The following VWA5B2 variants were observed in gnomAD, a reference collection of about 807,000 sequenced individuals.
VWA5B2 encodes von Willebrand factor A domain-containing protein 5B2.
Under a neutral mutation model 118.5 loss-of-function variants are expected in VWA5B2, and 93 were observed. The ratio of observed to expected loss-of-function variants is 0.79; its 90% CI spans 0.66 to 0.93. VWA5B2 has a LOEUF of 0.93. Ranked by LOEUF, VWA5B2 falls within the 40% of genes least tolerant of loss-of-function variation. The pLI is 0.00. For missense variants in VWA5B2, 1,546 were observed against 1,672.8 expected, an observed-to-expected ratio of 0.92 and a Z score of 1.32; for synonymous variants, 708 against 716.3, an observed-to-expected ratio of 0.99 and a Z score of 0.19.
Position 184,242,265 on chromosome 3 carries a change from G to A in VWA5B2, c.*227G>A, listed in dbSNP as rs75636665. On this transcript the variant is annotated 3_prime_UTR_variant, in exon 20 of 20. Coordinates refer to ENST00000691901, the MANE Select transcript of VWA5B2 (RefSeq NM_001390846.1). ...CTCCCCTCCATCCTCTGAGCTCCCTGCAACACAGTGGAAGGGTAGAGAGCC... is the reference window on the plus strand; with the variant it reads ...CTCCCCTCCATCCTCTGAGCTCCCTACAACACAGTGGAAGGGTAGAGAGCC... 1.1e-3 allele frequency: 802 copies of A among 738,894 alleles called. 12 individuals carry two copies. In the East Asian group the frequency reaches 0.017, roughly 16 times the overall value. The allele number at this position is 738,894 out of a possible 1,614,324, so 45.8% of individuals were successfully genotyped here.
Position 184,238,802 on chromosome 3 carries a change from A to G in VWA5B2, c.2131A>G (p.Ser711Gly). The change falls in exon 14 of 20, where the codon AGT (serine) becomes GGT (glycine). Residue 711 changes from serine to glycine, a missense_variant. Around this residue, in one of 3 missense-constraint regions of VWA5B2, gnomAD observed 763 missense variants for 766.6 expected, o/e 1.00. Coordinates refer to ENST00000691901, the MANE Select transcript of VWA5B2 (RefSeq NM_001390846.1). The surrounding 1 kb of genome is among the most constrained non-coding windows in gnomAD (Gnocchi z 5.0). ...LEPPSQQGCR[S>G]LAWGEPAGSR... ...GCCCCCTTCTCAGCAGGGCTGCCGC[A>G]GTCTGGCCTGGGGAGAACCTGCAGG... The G allele has an allele frequency of 6.5e-7, 1 of 1,545,872 alleles. No individual in the cohort carries two copies.
At position 184,233,101 on chromosome 3, in the gene VWA5B2, A is replaced by G; in HGVS notation, c.311-77A>G. ...CCCCTTGCCCAGGCTCCCTGACCCA[A>G]TGCCTGCTTCCACATCTAGCTTCCT... On this transcript the variant is annotated intron_variant, in intron 3 of 19. Transcript: ENST00000691901. This position sits in a 1 kb window ranked among gnomAD's most constrained non-coding sequence, Gnocchi z 5.2. 1 of 1,385,912 alleles carries G rather than the reference A, an allele frequency of 7.2e-7. No homozygotes were observed. The highest frequency in any genetic ancestry group is 9.8e-7 in the Non-Finnish European group (1 of 1,016,700). 85.9% of individuals were successfully genotyped at this position (1,385,912 alleles called of 1,614,324 possible).
At chr3:184,234,929 C>A in intron 7 of VWA5B2, 174 bp downstream of exon 7, 1 of 1,146,948 alleles carries the variant, frequency 8.7e-7, no homozygotes, top group Non-Finnish European at 1.2e-6. Flanking sequence ...ATTGGAGGGC[C>A]GATGTGAATC....
At chr3:184,235,381 C>T (rs1373769491) in intron 8 of VWA5B2, 73 bp downstream of exon 8, 7 of 1,477,368 alleles carry the variant, frequency 4.7e-6, no homozygotes, top group African/African-American at 2.8e-5. Flanking sequence ...CTGGGGGCAG[C>T]CTCTTGAAGC....
At chr3:184,240,698 G>T in intron 16 of VWA5B2, 93 bp from the exon 17 acceptor site, 1 of 1,481,366 alleles carries the variant, frequency 6.8e-7, no homozygotes. Flanking sequence ...GTCGATAGAG[G>T]GAGAAGCTGG....
chr3:184,233,477 C>G lies in VWA5B2; in HGVS notation c.530+80C>G. 5 of 1,505,590 alleles carry G rather than the reference C, an allele frequency of 3.3e-6. No homozygotes were observed. Among genetic ancestry groups the G allele is most frequent in the African/African-American group, 1.4e-5 (1 of 72,118 alleles). The allele number at this position is 1,505,590 out of a possible 1,614,324, so 93.3% of individuals were successfully genotyped here. A position where few individuals can be genotyped will look rare whatever the true frequency, so the allele number is the denominator to read the frequency against. On this transcript the variant is annotated intron_variant, in intron 4 of 19. Coordinates refer to ENST00000691901, the MANE Select transcript of VWA5B2 (RefSeq NM_001390846.1). The surrounding 1 kb of genome is among the most constrained non-coding windows in gnomAD (Gnocchi z 5.2). ...CGGGTGAGGGGGCACTGGCAGGGTA[C>G]CCAGGGATGGGAAGGGTGAGGAAGG...
intron 16 of VWA5B2, 85 bp downstream of exon 16, chr3:184,240,121 T>A: frequency 9.3e-7 from 1 of 1,076,234 alleles, no homozygotes; most frequent in Non-Finnish European, 1.3e-6. Context: ...GATCACTCTC[T>A]ATACCTCGCT....
In VWA5B2 at chr3:184,241,373, G is replaced by A. The variant is rs1200849883; in HGVS notation, c.3149G>A (p.Ser1050Asn). ...CCTGACCCGGGCCAGGCCAACAACA[G>A]TGAAGGCAGCGACCATGACTACCTG... is the stretch of plus-strand genomic sequence containing the variant. ...CSPDPGQANNSEGSDHDYLPL... is the reference protein window; with the variant it reads ...CSPDPGQANNNEGSDHDYLPL... The change falls in exon 19 of 20, where the codon AGT becomes AAT. Residue 1050 changes from serine (S) to asparagine (N), a missense_variant. Coordinates refer to ENST00000691901, the MANE Select transcript of VWA5B2 (RefSeq NM_001390846.1). The surrounding 1 kb of genome is among the most constrained non-coding windows in gnomAD (Gnocchi z 5.1). 1 of 1,567,994 alleles carries A rather than the reference G, an allele frequency of 6.4e-7. No individual in the cohort carries two copies. The highest frequency in any genetic ancestry group is 8.6e-7 in the Non-Finnish European group (1 of 1,156,226).
intron 3 of VWA5B2, 77 bp downstream of exon 3, chr3:184,230,994 C>G: frequency 1.7e-6 from 2 of 1,199,788 alleles, no homozygotes; most frequent in Non-Finnish European, 2.1e-6. Context: ...CGGCCTCCGC[C>G]CGTCCCCCGC....
rs1319996544 is a variant in VWA5B2 at position 184,232,896 on chromosome 3, G to A, written c.311-282G>A. ...GGGGCAGAGGGTGTGGGTATTCCCAGGGCCTTGAGAGTGGACATGGCCCCT... is the reference window on the plus strand; with the variant it reads ...GGGGCAGAGGGTGTGGGTATTCCCAAGGCCTTGAGAGTGGACATGGCCCCT... On this transcript the variant is annotated intron_variant, in intron 3 of 19. Coordinates refer to ENST00000691901, the MANE Select transcript of VWA5B2 (RefSeq NM_001390846.1). 1.4e-5 allele frequency: 7 copies of A among 513,558 alleles called. No individual in the cohort carries two copies. In the Admixed American group the frequency reaches 1.5e-4, roughly 11 times the overall value. The allele number at this position is 513,558 out of a possible 1,614,324, so 31.8% of individuals were successfully genotyped here. A position where few individuals can be genotyped will look rare whatever the true frequency, so the allele number is the denominator to read the frequency against.
chr3:184,236,104 C>A (rs1255044848), intron 8 of VWA5B2, 48 bp from the exon 9 acceptor site: 3 of 1,488,282 alleles, frequency 2.0e-6, no homozygotes, highest in Non-Finnish European at 2.7e-6. Flanking sequence ...TGCTCTGTAT[C>A]AGGGCCCATG....
chr3:184,238,628 C>T lies in VWA5B2; in HGVS notation c.1957C>T (p.Arg653Cys), dbSNP rs371465503. ...GPNPSDTAIW[R>C]RIFQSSYIRE... Reference sequence around the variant, plus strand: ...CAACCCCTCTGACACAGCCATATGGCGCCGCATCTTTCAGTCCTCGTACAT... The same window carrying T: ...CAACCCCTCTGACACAGCCATATGGTGCCGCATCTTTCAGTCCTCGTACAT... The change falls in exon 14 of 20, where the codon CGC becomes TGC. Residue 653 changes from arginine (R) to cysteine (C), a missense_variant. Around this residue, in one of 3 missense-constraint regions of VWA5B2, gnomAD observed 775 missense variants for 882.3 expected, o/e 0.88. Transcript: ENST00000691901. This position sits in a 1 kb window ranked among gnomAD's most constrained non-coding sequence, Gnocchi z 5.0. 2.4e-5 allele frequency: 38 copies of T among 1,552,016 alleles called. No individual in the cohort carries two copies. The highest frequency in any genetic ancestry group is 8.2e-5 in the African/African-American group (6 of 73,174).
rs1344819417 is a variant in VWA5B2, at chr3:184,241,863, A to G, written c.3554A>G (p.Asp1185Gly). The G allele has an allele frequency of 1.3e-6, 2 of 1,544,554 alleles. No homozygotes were observed. The highest frequency in any genetic ancestry group is 1.7e-6 in the Non-Finnish European group (2 of 1,145,708). Residue 1185 changes from aspartate (D) to glycine (G), a missense_variant, in exon 20 of 20, where the codon GAC becomes GGC. Around this residue, in one of 3 missense-constraint regions of VWA5B2, gnomAD observed 763 missense variants for 766.6 expected, o/e 1.00. Transcript: ENST00000691901. The surrounding 1 kb of genome is among the most constrained non-coding windows in gnomAD (Gnocchi z 5.1). ...GAGCACCGATGCGCCGCTGCCTTCGACGAGTGGGAACTGACAGCGGCCAAG... is the reference window on the plus strand; with the variant it reads ...GAGCACCGATGCGCCGCTGCCTTCGGCGAGTGGGAACTGACAGCGGCCAAG... ...WLEHRCAAAF[D>G]EWELTAAKAD...
Position 184,233,599 on chromosome 3 carries a change from G to A in VWA5B2, c.554G>A (p.Gly185Asp), listed in dbSNP as rs768410066. The A allele has an allele frequency of 3.2e-6, 5 of 1,550,816 alleles. No homozygotes were observed. The South Asian group carries it at 6.0e-5, about 18-fold the overall frequency. ...DDSPTSCFGV[G>D]SLQEEGLAWE... Reference sequence around the variant, plus strand: ...AGCCCCACCAGCTGCTTCGGGGTGGGCAGCCTTCAGGAGGAAGGGCTGGCC... The same window carrying A: ...AGCCCCACCAGCTGCTTCGGGGTGGACAGCCTTCAGGAGGAAGGGCTGGCC... The change falls in exon 5 of 20, where the codon GGC becomes GAC. Residue 185 changes from glycine to aspartate, a missense_variant. Gly to Asp is a moderately conservative substitution (Grantham distance 94). Coordinates refer to ENST00000691901, the MANE Select transcript of VWA5B2 (RefSeq NM_001390846.1). The surrounding 1 kb of genome is among the most constrained non-coding windows in gnomAD (Gnocchi z 5.2).
rs1218221868 is a variant in VWA5B2, at chr3:184,236,141, G to C, written c.1102-11G>C. 2 of 1,550,572 alleles carry C rather than the reference G, an allele frequency of 1.3e-6. No individual in the cohort carries two copies. Among genetic ancestry groups the C allele is most frequent in the South Asian group, 2.4e-5 (2 of 84,010 alleles). Reference sequence around the variant, plus strand: ...GGCCGGCCTCACGCCGCCCTCCCTGGCCCTCCACAGGATGCCATTGTTTTG... The same window carrying C: ...GGCCGGCCTCACGCCGCCCTCCCTGCCCCTCCACAGGATGCCATTGTTTTG... On this transcript the variant is annotated splice_polypyrimidine_tract_variant and intron_variant, in intron 8 of 19. Transcript: ENST00000691901.
Position 184,236,209 on chromosome 3 carries a change from G to A in VWA5B2, c.1159G>A (p.Val387Met), listed in dbSNP as rs373497564. Residue 387 changes from valine to methionine, a missense_variant, in exon 9 of 20, where the codon GTG (valine) becomes ATG (methionine). Physicochemically the swap from Val to Met is conservative, Grantham distance 21. Around this residue, in one of 3 missense-constraint regions of VWA5B2, gnomAD observed 775 missense variants for 882.3 expected, o/e 0.88. Transcript: ENST00000691901. Reference sequence around the variant, plus strand: ...GCCCCAGACGCTTATCAACCTGGCCGTGTTTGGGACGTTGGTGCAGCCACT... The same window carrying A: ...GCCCCAGACGCTTATCAACCTGGCCATGTTTGGGACGTTGGTGCAGCCACT... ...LPPQTLINLA[V>M]FGTLVQPLFP... 96 of 1,551,660 alleles carry A rather than the reference G, an allele frequency of 6.2e-5. No individual in the cohort carries two copies. In the African/African-American group the frequency reaches 7.0e-4, roughly 11 times the overall value.
chr3:184,242,032 C>G lies in VWA5B2; in HGVS notation c.3723C>G (p.Asn1241Lys). Residue 1241 changes from asparagine to lysine, a missense_variant, in exon 20 of 20, where the codon AAC (asparagine) becomes AAG (lysine). Physicochemically the swap from Asn to Lys is moderately conservative, Grantham distance 94. Transcript: ENST00000691901. ...ACCTGCTGTGCTACAGCCCAGCGAA[C>G]GTGTGAAGGCTGCCCCCTGCTGCTT... ...QLHLLCYSPA[N>K]V The G allele has an allele frequency of 6.5e-7, 1 of 1,549,290 alleles. No individual in the cohort carries two copies. The highest frequency in any genetic ancestry group is 8.7e-7 in the Non-Finnish European group (1 of 1,146,944).
At position 184,241,481 on chromosome 3, in the gene VWA5B2, TCTC is replaced by T; in HGVS notation, c.3181-5_3181-3del. On this transcript the variant is annotated splice_region_variant and splice_polypyrimidine_tract_variant and intron_variant, in intron 19 of 19. Coordinates refer to ENST00000691901, the MANE Select transcript of VWA5B2 (RefSeq NM_001390846.1). The surrounding 1 kb of genome is among the most constrained non-coding windows in gnomAD (Gnocchi z 5.1). ...AGCTCGCTTCTCCCCCCACCTCCTC[TCTC>T]CTCAGGTGCGGCTGCAGGAGGCACC... 6.4e-7 allele frequency: 1 copy of T among 1,550,466 alleles called. No individual in the cohort carries two copies.
chr3:184,230,312 CG>C, intron 1 of VWA5B2, 67 bp from the exon 2 acceptor site: 1 of 503,360 alleles, frequency 2.0e-6, no homozygotes, highest in South Asian at 3.5e-5. Context: ...CCAGGTAACG[CG>C]TGAGGATGCC....
Sources: allele counts gnomAD v4.1 joint callset, GRCh38; gene constraint gnomAD v4.1.1; regional missense constraint gnomAD v4.1.1; non-coding constraint Gnocchi (gnomAD v3.1); transcripts MANE v1.5; gene names NCBI Gene and HGNC (gene_info 2026-07-23, HGNC 2026-07-21).